The following GRM5 variants were observed in gnomAD, a reference collection of about 807,000 sequenced individuals.
The protein encoded by GRM5 is metabotropic glutamate receptor 5.
A neutral mutation model predicts 83.1 loss-of-function variants in GRM5; 19 were observed. The ratio of observed to expected loss-of-function variants is 0.23; its 90% CI spans 0.16 to 0.34. The LOEUF (loss-of-function observed/expected upper bound fraction) is 0.34. GRM5 is among the 10% of genes least tolerant of loss of function. The pLI, the probability that GRM5 is intolerant of heterozygous loss-of-function variation, is 1.00. For missense variants in GRM5, 1,160 were observed against 1,588.3 expected, an observed-to-expected ratio of 0.73 and a Z score of 4.58; for synonymous variants, 675 against 633.6, an observed-to-expected ratio of 1.07 and a Z score of -0.98.
At chr11:88,804,428 T>C (rs889609768) in intron 3 of GRM5, among the ~76,000 whole-genome samples, 4 of 149,654 alleles carry the variant, frequency 2.7e-5, no homozygotes, top group African/African-American at 1.0e-4. Context: ...CAGTAAACTA[T>C]CGCAAGAACA....
At chr11:88,665,829 C>A (rs1940029341) in intron 3 of GRM5, among the ~76,000 whole-genome samples, 1 of 134,538 alleles carries the variant, frequency 7.4e-6, no homozygotes. Flanking sequence ...TCTAGTCAGC[C>A]AGTACTGAGG....
chr11:88,578,669 G>A (rs1002589041), intron 7 of GRM5, among the ~76,000 whole-genome samples: 1 of 152,126 alleles, frequency 6.6e-6, no homozygotes, highest in South Asian at 2.1e-4. Flanking sequence ...TAAATATACT[G>A]ACTTTTTGAC....
intron 2 of GRM5, among the ~76,000 whole-genome samples, chr11:88,893,590 A>G (rs1360230782): frequency 1.3e-5 from 2 of 152,120 alleles, no homozygotes; most frequent in African/African-American, 4.8e-5. Context: ...CCACTTATTC[A>G]AAAAAGAATG....
At chr11:88,725,346 C>G (rs903895112) in intron 3 of GRM5, among the ~76,000 whole-genome samples, 1 of 152,192 alleles carries the variant, frequency 6.6e-6, no homozygotes, top group African/African-American at 2.4e-5. Flanking sequence ...TTACTCCTCA[C>G]TGGTCAGGGC....
intron 3 of GRM5, among the ~76,000 whole-genome samples, chr11:88,708,934 C>T (rs10501678): frequency 0.03 from 4,527 of 152,068 alleles, 207 homozygotes; most frequent in African/African-American, 0.1. Flanking sequence ...AAACACTTGT[C>T]GGCAAAAGGT....
At chr11:88,934,377 G>T (rs1052592810) in intron 2 of GRM5, among the ~76,000 whole-genome samples, 1 of 151,816 alleles carries the variant, frequency 6.6e-6, no homozygotes, top group Non-Finnish European at 1.5e-5. Flanking sequence ...AGTGCCCAAA[G>T]CTGCTCTATT....
intron 3 of GRM5, among the ~76,000 whole-genome samples, chr11:88,724,942 AG>A (rs1477640831): frequency 6.6e-6 from 1 of 152,142 alleles, no homozygotes; most frequent in African/African-American, 2.4e-5. Context: ...CTATGCCACC[AG>A]GGTTTTGGGT....
chr11:88,978,494 A>C (rs1288398620), intron 2 of GRM5, among the ~76,000 whole-genome samples: 6 of 38,000 alleles, frequency 1.6e-4, no homozygotes, highest in South Asian at 3.8e-3. Context: ...AAAAAAAAAA[A>C]AAAAAAAAAA....
At chr11:88,543,612 G>C (rs1222201875) in intron 8 of GRM5, among the ~76,000 whole-genome samples, 2 of 147,342 alleles carry the variant, frequency 1.4e-5, no homozygotes, top group African/African-American at 5.0e-5. Flanking sequence ...CCACAACCAG[G>C]ACCCATACCA....
intron 3 of GRM5, among the ~76,000 whole-genome samples, chr11:88,669,323 A>G (rs1426388805): frequency 6.6e-6 from 1 of 152,178 alleles, no homozygotes; most frequent in African/African-American, 2.4e-5. Flanking sequence ...TAGCTAAAAA[A>G]GATAACTTCC....
At chr11:88,994,076 C>T (rs890573675) in intron 2 of GRM5, among the ~76,000 whole-genome samples, 1 of 151,746 alleles carries the variant, frequency 6.6e-6, no homozygotes, top group Non-Finnish European at 1.5e-5. Flanking sequence ...CAGTTACTAA[C>T]AATGAACCAT....
intron 3 of GRM5, among the ~76,000 whole-genome samples, chr11:88,822,899 G>A (rs942756363): frequency 2.6e-5 from 4 of 151,166 alleles, no homozygotes; most frequent in African/African-American, 4.9e-5. Context: ...TGACTAAAAC[G>A]CAGCTCAATA....
intron 3 of GRM5, among the ~76,000 whole-genome samples, chr11:88,780,061 T>C (rs915703685): frequency 6.6e-6 from 1 of 152,180 alleles, no homozygotes; most frequent in Non-Finnish European, 1.5e-5. Context: ...AGATCTCAAC[T>C]CTTCTGCAGA....
intron 3 of GRM5, among the ~76,000 whole-genome samples, chr11:88,736,016 G>A (rs7938768): frequency 0.11 from 16,950 of 151,966 alleles, 1,985 homozygotes; most frequent in African/African-American, 0.3. Flanking sequence ...GAGCACTCTC[G>A]AAGTTAGACA....
intron 2 of GRM5, among the ~76,000 whole-genome samples, chr11:88,947,293 T>C (rs1429302131): frequency 6.6e-6 from 1 of 152,138 alleles, no homozygotes; most frequent in African/African-American, 2.4e-5. Flanking sequence ...GGTATGCTCA[T>C]TTTTTTCTGT....
intron 2 of GRM5, among the ~76,000 whole-genome samples, chr11:89,029,973 T>C (rs1941224140): frequency 1.3e-5 from 2 of 152,194 alleles, no homozygotes; most frequent in South Asian, 2.1e-4. Flanking sequence ...TATATTGTTA[T>C]ACTTTGTTAT....
At chr11:89,022,486 C>CAAAAAAAAAAAA (rs10573194) in intron 2 of GRM5, among the ~76,000 whole-genome samples, 1 of 126,062 alleles carries the variant, frequency 7.9e-6, no homozygotes, top group African/African-American at 2.8e-5. Context: ...ACTAAAAATA[C>CAAAAAAAAAAAA]AAAAAAAAAA....
intron 3 of GRM5, among the ~76,000 whole-genome samples, chr11:88,835,486 C>T (rs537098578): frequency 1.3e-5 from 2 of 152,130 alleles, no homozygotes; most frequent in Admixed American, 1.3e-4. Flanking sequence ...TATTTTAAAT[C>T]TCACCTCTGA....
At chr11:88,518,428 G>T (rs569351245) in intron 9 of GRM5, among the ~76,000 whole-genome samples, 180 of 151,890 alleles carry the variant, frequency 1.2e-3, no homozygotes, top group African/African-American at 4.3e-3. Context: ...TATGTTTTTT[G>T]ATTAATTTTT....
Sources: gnomAD v4.1 joint callset for allele counts (sites outside exome capture counted in the v4.1 genomes callset) on GRCh38, gnomAD v4.1.1 for gene constraint, MANE v1.5 for transcripts, NCBI Gene and HGNC (gene_info 2026-07-23, HGNC 2026-07-21) for gene names.